The following MAN1C1 variants were observed in gnomAD, a reference collection of about 807,000 sequenced individuals.
MAN1C1 encodes mannosyl-oligosaccharide 1,2-alpha-mannosidase IC.
Under a neutral mutation model 71.5 loss-of-function variants are expected in MAN1C1, and 49 were observed. The observed-to-expected ratio is 0.69, with a 90% CI of 0.54 to 0.87. MAN1C1 has a LOEUF of 0.87. Ranked by LOEUF, MAN1C1 falls within the 40% of genes least tolerant of loss-of-function variation. The pLI, the probability that MAN1C1 is intolerant of heterozygous loss-of-function variation, is 0.00. For missense variants in MAN1C1, 743 were observed against 835.0 expected, an observed-to-expected ratio of 0.89 and a Z score of 1.36; for synonymous variants, 352 against 343.7, an observed-to-expected ratio of 1.02 and a Z score of -0.27.
chr1:25,765,880 AT>A (rs969229931), intron 7 of MAN1C1, among the ~76,000 whole-genome samples: 12 of 152,212 alleles, frequency 7.9e-5, no homozygotes, highest in African/African-American at 2.9e-4. Context: ...AATGCAGAGT[AT>A]TTTTAACCAA....
intron 6 of MAN1C1, among the ~76,000 whole-genome samples, chr1:25,763,403 T>C (rs966968415): frequency 2.7e-5 from 4 of 145,988 alleles, no homozygotes; most frequent in African/African-American, 5.1e-5. Flanking sequence ...GCACGAACAT[T>C]GCTTGAACCT....
chr1:25,773,137 C>T (rs896139029), intron 8 of MAN1C1, among the ~76,000 whole-genome samples: 1 of 152,200 alleles, frequency 6.6e-6, no homozygotes, highest in Non-Finnish European at 1.5e-5. Flanking sequence ...CTTGTCTGCT[C>T]CTAAAACAGT....
At chr1:25,632,865 A>ATTTT (rs33924292) in intron 1 of MAN1C1, among the ~76,000 whole-genome samples, 3 of 113,102 alleles carry the variant, frequency 2.7e-5, no homozygotes, top group Admixed American at 9.5e-5. Flanking sequence ...TACAATTTTG[A>ATTTT]TTTTTTTTTT....
At chr1:25,690,450 G>A (rs1046469390) in intron 2 of MAN1C1, among the ~76,000 whole-genome samples, 12 of 152,116 alleles carry the variant, frequency 7.9e-5, no homozygotes, top group Non-Finnish European at 1.8e-4. Flanking sequence ...GTGCCACCAC[G>A]TCCGGCTAAT....
intron 2 of MAN1C1, among the ~76,000 whole-genome samples, chr1:25,722,071 G>A (rs2046773659): frequency 6.6e-6 from 1 of 152,150 alleles, no homozygotes; most frequent in African/African-American, 2.4e-5. Context: ...ATTATAAGAT[G>A]GAAGTCATTT....
intron 8 of MAN1C1, among the ~76,000 whole-genome samples, chr1:25,774,382 G>A (rs557948439): frequency 3.9e-5 from 6 of 152,312 alleles, no homozygotes; most frequent in African/African-American, 1.4e-4. Flanking sequence ...ACGAAACTGA[G>A]GGTCAGAAAG....
At chr1:25,678,535 C>T (rs1185477627) in intron 1 of MAN1C1, among the ~76,000 whole-genome samples, 1 of 152,188 alleles carries the variant, frequency 6.6e-6, no homozygotes, top group Admixed American at 6.5e-5. Context: ...GCTGTAATCT[C>T]TTAAAAGGGC....
chr1:25,783,964 C>A lies in MAN1C1; in HGVS notation c.*175C>A. 1 of 811,778 alleles carries A rather than the reference C, an allele frequency of 1.2e-6. No homozygotes were observed. Among genetic ancestry groups the A allele is most frequent in the Non-Finnish European group, 1.9e-6 (1 of 533,994 alleles). The allele number at this position is 811,778 out of a possible 1,614,324, so 50.3% of individuals were successfully genotyped here. ...GAGGAGACAAGACTTGGAGACTCAG[C>A]GATGTCAGGCCAGGGCCATGGCCAC... On this transcript the variant is annotated 3_prime_UTR_variant, in exon 12 of 12. Transcript: ENST00000374332.
chr1:25,654,133 G>GCCCTTCAT (rs547839230), intron 1 of MAN1C1: 5 of 152,264 alleles, frequency 3.3e-5, no homozygotes, highest in African/African-American at 1.2e-4. Flanking sequence ...GTCAGCCTGG[G>GCCCTTCAT]CCCTTCATCC....
intron 2 of MAN1C1, among the ~76,000 whole-genome samples, chr1:25,727,584 G>A (rs1398725994): frequency 2.0e-5 from 3 of 152,252 alleles, no homozygotes; most frequent in Non-Finnish European, 4.4e-5. Context: ...GAACCCTGCA[G>A]CAAAAGGACA....
intron 1 of MAN1C1, among the ~76,000 whole-genome samples, chr1:25,657,546 C>T (rs1173215570): frequency 6.6e-6 from 1 of 152,212 alleles, no homozygotes; most frequent in East Asian, 1.9e-4. Flanking sequence ...AATTTCCTAC[C>T]CATTTGTCAC....
chr1:25,712,496 G>A (rs1158778489), intron 2 of MAN1C1, among the ~76,000 whole-genome samples: 1 of 152,198 alleles, frequency 6.6e-6, no homozygotes, highest in Non-Finnish European at 1.5e-5. Context: ...GGGAGAAGGG[G>A]CCTTGGCCTG....
intron 1 of MAN1C1, among the ~76,000 whole-genome samples, chr1:25,678,634 G>C (rs1269749678): frequency 6.6e-6 from 1 of 152,202 alleles, no homozygotes; most frequent in East Asian, 1.9e-4. Flanking sequence ...TATGTGCACA[G>C]AGATGTTCAC....
chr1:25,757,479 A>T (rs774719682), intron 5 of MAN1C1, among the ~76,000 whole-genome samples: 1 of 133,760 alleles, frequency 7.5e-6, no homozygotes, highest in Non-Finnish European at 1.6e-5. Context: ...TAATCATGAT[A>T]CATATGAGGA....
At chr1:25,770,736 T>G (rs1296000076) in intron 7 of MAN1C1, among the ~76,000 whole-genome samples, 1 of 132,404 alleles carries the variant, frequency 7.6e-6, no homozygotes, top group African/African-American at 2.9e-5. Flanking sequence ...TTCTCCCCTC[T>G]CTGTCTGCCC....
chr1:25,771,562 A>G, intron 7 of MAN1C1, 95 bp from the exon 8 acceptor site: 1 of 888,932 alleles, frequency 1.1e-6, no homozygotes, highest in Non-Finnish European at 1.8e-6. Flanking sequence ...CCGTACAGGC[A>G]CCGGGCCCCT....
In MAN1C1 at chr1:25,778,117, T is replaced by C; in HGVS notation, c.1270T>C (p.Tyr424His). Reference protein sequence around the residue: ...YYEALEAIETYLLNVSPGGLT... With the variant: ...YYEALEAIETHLLNVSPGGLT... The stretch of plus-strand genomic sequence containing the variant: ...ACCTTGCTCCCAGGCGATAGAGACC[T>C]ACTTGCTGAATGTCTCTCCCGGGGG... Residue 424 changes from tyrosine (Y) to histidine (H), a missense_variant, in exon 9 of 12, where the codon TAC (tyrosine) becomes CAC (histidine). Coordinates refer to ENST00000374332, the MANE Select transcript of MAN1C1 (RefSeq NM_020379.4). This position sits in a 1 kb window ranked among gnomAD's most constrained non-coding sequence, Gnocchi z 5.5. 1 of 1,567,364 alleles carries C rather than the reference T, an allele frequency of 6.4e-7. No homozygotes were observed. Among genetic ancestry groups the C allele is most frequent in the Non-Finnish European group, 8.7e-7 (1 of 1,152,086 alleles).
chr1:25,774,672 C>G (rs760600), intron 8 of MAN1C1, among the ~76,000 whole-genome samples: 87,702 of 152,066 alleles, frequency 0.58, 26,312 homozygotes, highest in Middle Eastern at 0.79. Context: ...CAAAGTGAGT[C>G]TTCATTAAAG....
rs977232781 is a variant in MAN1C1, at chr1:25,776,684, G to A, written c.1258-1421G>A. On this transcript the variant is annotated intron_variant, in intron 8 of 11. Coordinates refer to ENST00000374332, the MANE Select transcript of MAN1C1 (RefSeq NM_020379.4). This position sits in a 1 kb window ranked among gnomAD's most constrained non-coding sequence, Gnocchi z 4.3. ...CTGTAGCCCCAGTACCTAGCACAGC[G>A]CTGACACCAAGGAAATATTACATGG... Among the ~76,000 whole-genome samples, 7 of 152,096 alleles carry A rather than the reference G, an allele frequency of 4.6e-5. No homozygotes were observed. The highest frequency in any genetic ancestry group is 2.1e-4 in the South Asian group (1 of 4,832).
Sources: gnomAD v4.1 joint callset for allele counts (sites outside exome capture counted in the v4.1 genomes callset) on GRCh38, gnomAD v4.1.1 for gene constraint, Gnocchi (gnomAD v3.1) non-coding constraint, MANE v1.5 for transcripts, NCBI Gene and HGNC (gene_info 2026-07-23, HGNC 2026-07-21) for gene names.